Variants in EYA2 observed in about 807,000 individuals in gnomAD.
EYA2 encodes the protein protein phosphatase EYA2.
Under a neutral mutation model 69.2 loss-of-function variants are expected in EYA2, and 31 were observed. The observed-to-expected ratio is 0.45, with a 90% confidence interval of 0.34 to 0.60. EYA2 has a LOEUF of 0.60. EYA2 is among the 20% of genes least tolerant of loss of function. The pLI is 0.02. For synonymous variants in EYA2, 257 were observed against 279.4 expected (o/e 0.92, Z 0.80); for missense variants, 622 against 701.2 (o/e 0.89, Z 1.28).
At chr20:46,993,415 G>A (rs1008908172) in intron 2 of EYA2, among the ~76,000 whole-genome samples, 3 of 152,084 alleles carry the variant, frequency 2.0e-5, no homozygotes, top group Non-Finnish European at 4.4e-5. Flanking sequence ...TCTGCCCTCC[G>A]AGCCTTTGCA....
intron 1 of EYA2, among the ~76,000 whole-genome samples, chr20:46,932,083 G>T (rs1241668544): frequency 4.0e-5 from 6 of 151,520 alleles, no homozygotes; most frequent in African/African-American, 1.5e-4. Flanking sequence ...ATTTCAGAGG[G>T]TGGGGACAAG....
intron 1 of EYA2, among the ~76,000 whole-genome samples, chr20:46,971,072 A>G (rs1426044169): frequency 6.9e-5 from 8 of 116,054 alleles, no homozygotes; most frequent in Non-Finnish European, 1.3e-4. Flanking sequence ...AATTCTCCAT[A>G]AAGTTGCTAC....
rs1201324879 is a variant in EYA2, at chr20:47,135,818, C to CAAAAAAAAA, written c.889-7226_889-7218dup. Among the ~76,000 whole-genome samples the CAAAAAAAAA allele has an allele frequency of 9.8e-3, 323 of 32,992 alleles. 21 individuals carry two copies. Among genetic ancestry groups the CAAAAAAAAA allele is most frequent in the Non-Finnish European group, 0.013 (236 of 17,950 alleles). 21.6% of individuals were successfully genotyped at this position (32,992 alleles called of 152,430 possible). A position where few individuals can be genotyped will look rare whatever the true frequency, so the allele number is the denominator to read the frequency against. ...GCAACATAAGGAGACCCTGTCTCTA[C>CAAAAAAAAA]AAAAAAAAAAAAAAAAAAAAAAACA... On this transcript the variant is annotated intron_variant, in intron 9 of 15. Transcript: ENST00000327619.
At chr20:47,071,148 T>TA (rs2031300793) in intron 5 of EYA2, among the ~76,000 whole-genome samples, 1 of 152,178 alleles carries the variant, frequency 6.6e-6, no homozygotes, top group Non-Finnish European at 1.5e-5. Context: ...TAGCTGGGAT[T>TA]ACAGGCACAC....
At chr20:47,111,922 G>A (rs554763681) in intron 9 of EYA2, among the ~76,000 whole-genome samples, 2 of 152,230 alleles carry the variant, frequency 1.3e-5, no homozygotes, top group South Asian at 4.2e-4. Flanking sequence ...TTGAGCCCAG[G>A]AGTTTGAGAC....
At chr20:47,161,181 T>C in intron 10 of EYA2, 1 of 430,538 alleles carries the variant, frequency 2.3e-6, no homozygotes. Flanking sequence ...CCTGTCACCT[T>C]ACAAGGGACG....
At position 47,183,287 on chromosome 20, in the gene EYA2, G is replaced by A; in HGVS notation, c.1436-4G>A. On this transcript the variant is annotated splice_region_variant and splice_polypyrimidine_tract_variant and intron_variant, in intron 14 of 15. Transcript: ENST00000327619. The stretch of plus-strand genomic sequence containing the variant: ...TTTTTTCTTTCCTTCCTGTGTGCGT[G>A]CAGGGAAGGAGAGCTGCTTCGAGAG... The A allele has an allele frequency of 6.2e-7, 1 of 1,613,670 alleles. No homozygotes were observed. The highest frequency in any genetic ancestry group is 8.5e-7 in the Non-Finnish European group (1 of 1,179,788).
intron 1 of EYA2, among the ~76,000 whole-genome samples, chr20:46,923,582 A>G (rs771199118): frequency 7.2e-5 from 11 of 152,350 alleles, no homozygotes; most frequent in South Asian, 2.1e-4. Context: ...GAGATTCTAT[A>G]AGAGAATGTT....
chr20:47,006,002 G>C (rs1415650204), intron 4 of EYA2, among the ~76,000 whole-genome samples: 1 of 152,210 alleles, frequency 6.6e-6, no homozygotes, highest in Non-Finnish European at 1.5e-5. Flanking sequence ...CTGGCTTCAG[G>C]CAGGCCTGGG....
At chr20:47,008,631 G>A (rs1296581567) in intron 4 of EYA2, among the ~76,000 whole-genome samples, 1 of 152,220 alleles carries the variant, frequency 6.6e-6, no homozygotes, top group Admixed American at 6.5e-5. Context: ...TCAATTTGGT[G>A]CAAAGTTATT....
rs572786598 is a variant in EYA2, at chr20:47,113,394, C to G, written c.888+16226C>G. ...AGGAGAGAGGGGCTGATCGGCTGTG[C>G]CTGGGACCTGTGCCCACCTCTCAGC... On this transcript the variant is annotated intron_variant, in intron 9 of 15. Coordinates refer to ENST00000327619, the MANE Select transcript of EYA2 (RefSeq NM_005244.5). Among the ~76,000 whole-genome samples the G allele has an allele frequency of 2.0e-5, 3 of 152,284 alleles. No individual in the cohort carries two copies. In the East Asian group the frequency reaches 5.8e-4, roughly 29 times the overall value.
chr20:47,044,528 G>A (rs1162143122), intron 5 of EYA2, among the ~76,000 whole-genome samples: 1 of 152,028 alleles, frequency 6.6e-6, no homozygotes, highest in Non-Finnish European at 1.5e-5. Context: ...GGGGGGGTGG[G>A]GGCAATAGCA....
intron 1 of EYA2, among the ~76,000 whole-genome samples, chr20:46,970,527 G>A (rs987354536): frequency 6.6e-6 from 1 of 152,146 alleles, no homozygotes; most frequent in African/African-American, 2.4e-5. Context: ...AACCTCAATA[G>A]TGCCAAGGCT....
chr20:47,121,564 C>A (rs2033044800), intron 9 of EYA2, among the ~76,000 whole-genome samples: 1 of 152,054 alleles, frequency 6.6e-6, no homozygotes, highest in African/African-American at 2.4e-5. Flanking sequence ...AGCATATAAT[C>A]CATAATCAGA....
At chr20:47,012,604 A>C (rs1227723499) in intron 4 of EYA2, among the ~76,000 whole-genome samples, 23 of 152,148 alleles carry the variant, frequency 1.5e-4, no homozygotes, top group Non-Finnish European at 3.2e-4. Context: ...AGCAATTCTC[A>C]TGCCTCAGCT....
chr20:47,009,628 A>T (rs533698647), intron 4 of EYA2, among the ~76,000 whole-genome samples: 132 of 152,230 alleles, frequency 8.7e-4, no homozygotes, highest in African/African-American at 3.1e-3. Context: ...TGTAGAAGAG[A>T]TCAACAAACT....
intron 4 of EYA2, among the ~76,000 whole-genome samples, chr20:47,006,694 C>T (rs943671432): frequency 4.6e-5 from 7 of 152,126 alleles, no homozygotes; most frequent in Non-Finnish European, 8.8e-5. Context: ...CAAAGCAGAG[C>T]GGGCCCTGTC....
At chr20:47,143,281 CTT>C (rs1466924048) in intron 10 of EYA2, 133 bp downstream of exon 10, 1 of 830,442 alleles carries the variant, frequency 1.2e-6, no homozygotes, top group Non-Finnish European at 1.8e-6. Flanking sequence ...AAGCTTGAAA[CTT>C]TTGCTAACAA....
chr20:47,160,456 G>A (rs2034041369), intron 10 of EYA2, among the ~76,000 whole-genome samples: 2 of 152,200 alleles, frequency 1.3e-5, no homozygotes, highest in African/African-American at 4.8e-5. Context: ...CTCTGATCTA[G>A]GTGGGAGATG....
Sources: gnomAD v4.1 joint callset for allele counts (sites outside exome capture counted in the v4.1 genomes callset) on GRCh38, gnomAD v4.1.1 for gene constraint, MANE v1.5 for transcripts, NCBI Gene and HGNC (gene_info 2026-07-23, HGNC 2026-07-21) for gene names.